SETD3: variants seen among roughly 807,000 people sequenced by gnomAD.
SETD3 encodes SET domain containing 3, actin N3(tau)-histidine methyltransferase.
SETD3 carries 19 observed loss-of-function variants against 63.0 expected under a neutral mutation model. The observed-to-expected ratio is 0.30, with a 90% confidence interval of 0.21 to 0.44. The LOEUF (loss-of-function observed/expected upper bound fraction) is 0.44, where lower values mean the gene tolerates loss of function less well. Ranked by LOEUF, SETD3 falls within the 20% of genes least tolerant of loss-of-function variation. The probability of loss-of-function intolerance (pLI) is 1.00; values close to 1 mark genes in which losing one functional copy is unlikely to be tolerated. For synonymous variants in SETD3, 286 were observed against 264.1 expected (o/e 1.08, Z -0.80); for missense variants, 587 against 728.5 (o/e 0.81, Z 2.24).
Position 99,461,206 on chromosome 14 carries a change from T to C in SETD3, c.331A>G (p.Thr111Ala). 6.2e-7 allele frequency: 1 copy of C among 1,613,996 alleles called. No individual in the cohort carries two copies. The highest frequency in any genetic ancestry group is 8.5e-7 in the Non-Finnish European group (1 of 1,179,984). Residue 111 changes from threonine to alanine, a missense_variant, in exon 4 of 13, where the codon ACA (threonine) becomes GCA (alanine). Thr to Ala is a moderately conservative substitution (Grantham distance 58). Transcript: ENST00000331768. ...FKEEGFGLRA[T>A]RDIKAEELFL... Reference sequence around the variant, plus strand: ...TATAAACTCACCTTGATATCTCTTGTTGCTCTCAAACCAAAGCCCTCTTCT... The same window carrying C: ...TATAAACTCACCTTGATATCTCTTGCTGCTCTCAAACCAAAGCCCTCTTCT...
intron 10 of SETD3, among the ~76,000 whole-genome samples, chr14:99,404,609 T>C (rs569732268): frequency 1.4e-5 from 2 of 140,098 alleles, no homozygotes; most frequent in Admixed American, 7.7e-5. Flanking sequence ...AACATACACA[T>C]GGTTTTTAAA....
At chr14:99,428,396 G>C (rs1892997966) in intron 6 of SETD3, among the ~76,000 whole-genome samples, 1 of 152,162 alleles carries the variant, frequency 6.6e-6, no homozygotes, top group African/African-American at 2.4e-5. Context: ...TGTAATCCTA[G>C]CATTTTGGGA....
intron 6 of SETD3, among the ~76,000 whole-genome samples, chr14:99,448,797 T>A (rs1332796092): frequency 6.6e-6 from 1 of 152,186 alleles, no homozygotes; most frequent in Non-Finnish European, 1.5e-5. Context: ...AGGGAAACAT[T>A]TAAGTGAAAC....
At chr14:99,479,577 G>A (rs1023640882) in intron 1 of SETD3, among the ~76,000 whole-genome samples, 1 of 152,084 alleles carries the variant, frequency 6.6e-6, no homozygotes, top group African/African-American at 2.4e-5. Flanking sequence ...TACTGGCAAG[G>A]TCATTTCAAG....
At chr14:99,484,477 A>G (rs913653206), upstream of SETD3, among the ~76,000 whole-genome samples, 7 of 152,272 alleles carry the variant, frequency 4.6e-5, no homozygotes, top group Non-Finnish European at 8.8e-5. Context: ...TGTTTACCCT[A>G]GAGAAGAGAA....
chr14:99,459,563 C>T (rs1284325339), intron 4 of SETD3, among the ~76,000 whole-genome samples: 1 of 152,176 alleles, frequency 6.6e-6, no homozygotes, highest in Non-Finnish European at 1.5e-5. Flanking sequence ...AAAATTCCTG[C>T]CTCCAACAAA....
intron 1 of SETD3, among the ~76,000 whole-genome samples, chr14:99,479,874 CTCCTCCCA>C (rs1427326915): frequency 6.6e-6 from 1 of 152,260 alleles, no homozygotes; most frequent in African/African-American, 2.4e-5. Context: ...CTGAAATGCC[CTCCTCCCA>C]ACACCGGCCG....
intron 5 of SETD3, 142 bp from the exon 6 acceptor site, chr14:99,458,677 C>T (rs1178340068): frequency 4.4e-5 from 46 of 1,049,408 alleles, no homozygotes; most frequent in Non-Finnish European, 5.6e-5. Context: ...GTGGCTCACA[C>T]CTGTAATCCT....
At chr14:99,462,045 A>G (rs1321143532) in intron 3 of SETD3, among the ~76,000 whole-genome samples, 1 of 152,138 alleles carries the variant, frequency 6.6e-6, no homozygotes, top group African/African-American at 2.4e-5. Flanking sequence ...GCAAGGAGGG[A>G]GGGAATGGAA....
rs142876759 is a variant in SETD3 at position 99,448,169 on chromosome 14, A to C, written c.675+10110T>G. Among the ~76,000 whole-genome samples the C allele has an allele frequency of 1.5e-4, 23 of 152,274 alleles. No homozygotes were observed. In the East Asian group the frequency reaches 4.5e-3, roughly 30 times the overall value. On this transcript the variant is annotated intron_variant, in intron 6 of 12. Transcript: ENST00000331768. ...GTCCAGTTCCAAGTGCAGGTACCAT[A>C]AGCCTCTGGCAGGCTGCTCAACTTC...
Position 99,458,468 on chromosome 14 carries a change from C to A in SETD3, c.486G>T (p.Leu162=). The change falls in exon 6 of 13, where the codon CTG becomes CTT. Residue 162 remains leucine, a synonymous_variant. Transcript: ENST00000331768. ...AGGAGTTAGGGCTGGCTCGCTCACACAGCAAATGAAAGGCCAGTGCGATGT... is the reference window on the plus strand; with the variant it reads ...AGGAGTTAGGGCTGGCTCGCTCACAAAGCAAATGAAAGGCCAGTGCGATGT... The part of the protein sequence containing the change: ...MGNIALAFHL[L]CERASPNSFW... The A allele has an allele frequency of 6.2e-7, 1 of 1,614,126 alleles. No homozygotes were observed. The highest frequency in any genetic ancestry group is 8.5e-7 in the Non-Finnish European group (1 of 1,180,022).
At chr14:99,400,054 T>C in intron 12 of SETD3, 45 bp downstream of exon 12, 1 of 1,536,582 alleles carries the variant, frequency 6.5e-7, no homozygotes, top group African/African-American at 1.4e-5. Flanking sequence ...TTAAACATCT[T>C]AACAACACAA....
chr14:99,415,659 C>A (rs1025187370), intron 6 of SETD3, among the ~76,000 whole-genome samples: 1 of 151,808 alleles, frequency 6.6e-6, no homozygotes, highest in Non-Finnish European at 1.5e-5. Flanking sequence ...TTTTGAAGAT[C>A]ATTTTGGCTG....
intron 6 of SETD3, among the ~76,000 whole-genome samples, chr14:99,442,711 T>C (rs1893895328): frequency 6.6e-6 from 1 of 152,208 alleles, no homozygotes; most frequent in Admixed American, 6.5e-5. Context: ...GCAGACAACA[T>C]ATGTGTTAAT....
intron 6 of SETD3, among the ~76,000 whole-genome samples, chr14:99,425,293 G>A (rs1050594611): frequency 2.0e-5 from 3 of 152,172 alleles, no homozygotes; most frequent in East Asian, 1.9e-4. Flanking sequence ...CGCCATCCAC[G>A]TGCACACCTT....
At chr14:99,434,248 A>T (rs770641952) in intron 6 of SETD3, among the ~76,000 whole-genome samples, 7 of 152,208 alleles carry the variant, frequency 4.6e-5, no homozygotes, top group Non-Finnish European at 8.8e-5. Flanking sequence ...ACAGCTACAC[A>T]CAGCAACATG....
chr14:99,399,992 C>G, intron 12 of SETD3, 107 bp downstream of exon 12: 2 of 1,013,316 alleles, frequency 2.0e-6, no homozygotes, highest in South Asian at 1.7e-5. Flanking sequence ...CGCCCCGCCT[C>G]GACCTCCCAA....
intron 6 of SETD3, among the ~76,000 whole-genome samples, chr14:99,447,520 C>A (rs1894205003): frequency 6.6e-6 from 1 of 152,190 alleles, no homozygotes; most frequent in South Asian, 2.1e-4. Context: ...AAATAGCACA[C>A]AACGAAGGCA....
chr14:99,439,001 TCA>T (rs1390537363), intron 6 of SETD3, among the ~76,000 whole-genome samples: 1 of 152,230 alleles, frequency 6.6e-6, no homozygotes, highest in East Asian at 1.9e-4. Context: ...CACAAGTCTG[TCA>T]CAGAGGGTAG....
Sources: gnomAD v4.1 joint callset for allele counts (sites outside exome capture counted in the v4.1 genomes callset) on GRCh38, gnomAD v4.1.1 for gene constraint, MANE v1.5 for transcripts, NCBI Gene and HGNC (gene_info 2026-07-23, HGNC 2026-07-21) for gene names.